LUZP2: variants seen among roughly 807,000 people sequenced by gnomAD.
LUZP2 encodes the protein leucine zipper protein 2.
In LUZP2, 52 loss-of-function variants were observed where a neutral mutation model predicts 51.6. The observed-to-expected ratio is 1.01, with a 90% CI of 0.81 to 1.27. The LOEUF is 1.27. LUZP2 is among the 50% of genes most tolerant of loss of function. LUZP2 has a pLI of 0.00. For synonymous variants in LUZP2, 154 were observed against 137.3 expected, an observed-to-expected ratio of 1.12 and a Z score of -0.85; for missense variants, 436 against 395.4, an observed-to-expected ratio of 1.10 and a Z score of -0.87.
At position 24,698,111 on chromosome 11, in the gene LUZP2, C is replaced by T. The variant is rs1590362774; in HGVS notation, c.63-31058C>T. On this transcript the variant is annotated intron_variant, in intron 1 of 11. Coordinates refer to ENST00000336930, the MANE Select transcript of LUZP2 (RefSeq NM_001009909.4). ...GATTTGAGAAATATCTCCTGTCATTCCACTTGGCTGTCTTGTGATAATTAA... is the reference window on the plus strand; with the variant it reads ...GATTTGAGAAATATCTCCTGTCATTTCACTTGGCTGTCTTGTGATAATTAA... Among the ~76,000 whole-genome samples, 3 of 152,162 alleles carry T rather than the reference C, an allele frequency of 2.0e-5. No individual in the cohort carries two copies. In the East Asian group the frequency reaches 5.8e-4, roughly 29 times the overall value.
At chr11:24,904,716 T>C (rs1447704584) in intron 5 of LUZP2, among the ~76,000 whole-genome samples, 1 of 152,196 alleles carries the variant, frequency 6.6e-6, no homozygotes, top group East Asian at 1.9e-4. Context: ...GCTTGTCTCT[T>C]CACTGTATTG....
At chr11:24,826,190 A>AAAATATATATATATATATATATATAT (rs1215786412) in intron 5 of LUZP2, among the ~76,000 whole-genome samples, 1 of 67,548 alleles carries the variant, frequency 1.5e-5, no homozygotes, top group African/African-American at 5.9e-5. Flanking sequence ...AAAAAAAAAA[A>AAAATATATATATATATATATATATAT]ATATATATAT....
chr11:24,943,663 A>G (rs1168900080), intron 7 of LUZP2, among the ~76,000 whole-genome samples: 2 of 152,162 alleles, frequency 1.3e-5, no homozygotes, highest in African/African-American at 4.8e-5. Flanking sequence ...AGATCACTTG[A>G]GGTCAGGAGT....
At chr11:24,740,167 T>A (rs937351553) in intron 4 of LUZP2, among the ~76,000 whole-genome samples, 1 of 152,162 alleles carries the variant, frequency 6.6e-6, no homozygotes, top group African/African-American at 2.4e-5. Context: ...ACATTGTTTG[T>A]TTCTTTACTG....
At chr11:24,738,113 G>T in intron 3 of LUZP2, 108 bp from the exon 4 acceptor site, 1 of 666,748 alleles carries the variant, frequency 1.5e-6, no homozygotes. Context: ...ACTTCTAGTT[G>T]TCTATGTCCT....
At chr11:24,607,252 T>C (rs1853954250) in intron 1 of LUZP2, among the ~76,000 whole-genome samples, 1 of 150,988 alleles carries the variant, frequency 6.6e-6, no homozygotes, top group African/African-American at 2.4e-5. Flanking sequence ...TGTTTTCTTC[T>C]AATTATTTTA....
chr11:24,836,078 C>T (rs1850852356), intron 5 of LUZP2, among the ~76,000 whole-genome samples: 1 of 151,906 alleles, frequency 6.6e-6, no homozygotes. Flanking sequence ...AGAAGAAATT[C>T]TGACTGTTTC....
Position 24,798,789 on chromosome 11 carries a change from C to T in LUZP2, c.396+35481C>T, listed in dbSNP as rs536908974. On this transcript the variant is annotated intron_variant, in intron 5 of 11. Transcript: ENST00000336930. ...GGAGAGTTGACATAAGGGAAAGGAG[C>T]AGCTGCAGGTCTGGCTTTTGGAGTG... Among the ~76,000 whole-genome samples, 4 of 144,810 alleles carry T rather than the reference C, an allele frequency of 2.8e-5. No homozygotes were observed. In the Admixed American group the frequency reaches 2.9e-4, roughly 10 times the overall value.
At chr11:24,889,676 G>C (rs1369064129) in intron 5 of LUZP2, among the ~76,000 whole-genome samples, 1 of 152,160 alleles carries the variant, frequency 6.6e-6, no homozygotes, top group East Asian at 1.9e-4. Context: ...AGTTGGCTCA[G>C]CTGAGGCTGC....
intron 5 of LUZP2, among the ~76,000 whole-genome samples, chr11:24,871,181 A>C (rs1590666649): frequency 6.6e-6 from 1 of 152,096 alleles, no homozygotes; most frequent in East Asian, 1.9e-4. Flanking sequence ...AATTTCTTTC[A>C]ATATTCCATA....
At chr11:24,993,205 TTGAC>T (rs1249721359) in intron 9 of LUZP2, among the ~76,000 whole-genome samples, 2 of 152,246 alleles carry the variant, frequency 1.3e-5, no homozygotes, top group East Asian at 3.9e-4. Context: ...CCCCACTACA[TTGAC>T]TGATCTGGCC....
In LUZP2 at chr11:24,742,057, T is replaced by TTTTATATATATATATATA. The variant is rs571183533; in HGVS notation, c.333+3756_333+3757insTTATATATATATATATAT. 4.4e-4 allele frequency among the ~76,000 whole-genome samples: 51 copies of TTTTATATATATATATATA among 116,296 alleles called. 5 individuals are homozygous for TTTTATATATATATATATA. Among genetic ancestry groups the TTTTATATATATATATATA allele is most frequent in the African/African-American group, 2.0e-3 (48 of 23,838 alleles). The allele number at this position is 116,296 out of a possible 152,430, so 76.3% of individuals were successfully genotyped here. A position where few individuals can be genotyped will look rare whatever the true frequency, so the allele number is the denominator to read the frequency against. Reference sequence around the variant, plus strand: ...TATAAATACATAAAAATAAATATAATTATATATATATATATATATCACCAT... The same window carrying TTTTATATATATATATATA: ...TATAAATACATAAAAATAAATATAATTTTATATATATATATATATATATATATATATATATATCACCAT... On this transcript the variant is annotated intron_variant, in intron 4 of 11. Coordinates refer to ENST00000336930, the MANE Select transcript of LUZP2 (RefSeq NM_001009909.4).
chr11:24,897,011 A>C (rs550896190), intron 5 of LUZP2, among the ~76,000 whole-genome samples: 1 of 152,260 alleles, frequency 6.6e-6, no homozygotes, highest in African/African-American at 2.4e-5. Context: ...CAAGGTGTGT[A>C]AACGCACCAA....
chr11:24,632,170 C>T (rs1193490885), intron 1 of LUZP2, among the ~76,000 whole-genome samples: 2 of 152,052 alleles, frequency 1.3e-5, no homozygotes, highest in East Asian at 3.9e-4. Context: ...AGGCATTTCA[C>T]TACTGAATTT....
chr11:24,917,783 T>C (rs1006148472), intron 7 of LUZP2, among the ~76,000 whole-genome samples: 11 of 152,176 alleles, frequency 7.2e-5, no homozygotes, highest in African/African-American at 2.7e-4. Context: ...TCTCCAGCTT[T>C]GTTCTTTTGG....
intron 1 of LUZP2, among the ~76,000 whole-genome samples, chr11:24,626,166 A>G (rs561592563): frequency 2.0e-5 from 3 of 152,272 alleles, no homozygotes; most frequent in African/African-American, 7.2e-5. Flanking sequence ...TGATTCATCA[A>G]CAAATGGCAG....
intron 6 of LUZP2, among the ~76,000 whole-genome samples, chr11:24,912,628 G>A (rs1387504114): frequency 2.0e-5 from 3 of 152,080 alleles, no homozygotes; most frequent in African/African-American, 7.2e-5. Flanking sequence ...GGACAACACA[G>A]TGAAACCCTG....
At chr11:25,068,624 G>A (rs1261268519) in intron 10 of LUZP2, among the ~76,000 whole-genome samples, 2 of 151,922 alleles carry the variant, frequency 1.3e-5, no homozygotes, top group Non-Finnish European at 2.9e-5. Context: ...TGTAATGATC[G>A]CTGTAGAGTG....
chr11:24,752,055 G>A (rs944185249), intron 4 of LUZP2, among the ~76,000 whole-genome samples: 9 of 151,956 alleles, frequency 5.9e-5, no homozygotes, highest in Non-Finnish European at 7.4e-5. Context: ...ATCAGGGAAC[G>A]ACAAAATACT....
Sources: allele counts gnomAD v4.1 joint callset (sites outside exome capture counted in the v4.1 genomes callset), GRCh38; gene constraint gnomAD v4.1.1; transcripts MANE v1.5; gene names NCBI Gene and HGNC (gene_info 2026-07-23, HGNC 2026-07-21).